The following ZNF583 variants were observed in gnomAD, a reference collection of about 807,000 sequenced individuals.
ZNF583 encodes zinc finger protein L3-5.
ZNF583 carries 30 observed loss-of-function variants against 55.3 expected under a neutral mutation model. The observed-to-expected ratio is 0.54, with a 90% CI of 0.41 to 0.74. The LOEUF is 0.74. Ranked by LOEUF, ZNF583 falls within the 30% of genes least tolerant of loss-of-function variation. ZNF583 has a pLI of 0.00. For missense variants in ZNF583, 504 were observed against 664.7 expected (o/e 0.76, Z 2.66); for synonymous variants, 208 against 220.0 (o/e 0.95, Z 0.48).
At chr19:56,405,052 C>CGT (rs1352237830) in intron 1 of ZNF583, among the ~76,000 whole-genome samples, 1 of 151,734 alleles carries the variant, frequency 6.6e-6, no homozygotes, top group Non-Finnish European at 1.5e-5. Flanking sequence ...ACCATGTCAC[C>CGT]GTGTGTGAGG....
chr19:56,418,429 A>G (rs182305953), intron 4 of ZNF583, among the ~76,000 whole-genome samples: 1 of 152,302 alleles, frequency 6.6e-6, no homozygotes, highest in Non-Finnish European at 1.5e-5. Context: ...AGGAAAAATA[A>G]TAAAATTTAT....
chr19:56,415,960 A>G (rs2042314715), intron 4 of ZNF583, among the ~76,000 whole-genome samples: 1 of 152,218 alleles, frequency 6.6e-6, no homozygotes, highest in Non-Finnish European at 1.5e-5. Context: ...AAAATAATCT[A>G]CAATTAGTTT....
At position 56,424,996 on chromosome 19, in the gene ZNF583, T is replaced by C. The variant is rs538766503; in HGVS notation, c.*628T>C. On this transcript the variant is annotated 3_prime_UTR_variant, in exon 5 of 5. Coordinates refer to ENST00000333201, the MANE Select transcript of ZNF583 (RefSeq NM_152478.3). ...CATAGAAAGCCAATCATCTCAGCCA[T>C]GATTATCTCAGAAATAAAAAGAGAT... 1 of 151,412 alleles carries C rather than the reference T, an allele frequency of 6.6e-6. No individual in the cohort carries two copies. The highest frequency in any genetic ancestry group is 1.5e-5 in the Non-Finnish European group (1 of 67,934). 9.4% of individuals were successfully genotyped at this position (151,412 alleles called of 1,614,324 possible).
At position 56,424,384 on chromosome 19, in the gene ZNF583, A is replaced by C. The variant is rs1446222485; in HGVS notation, c.*16A>C. On this transcript the variant is annotated 3_prime_UTR_variant, in exon 5 of 5. Transcript: ENST00000333201. The stretch of plus-strand genomic sequence containing the variant: ...CATCTCCTGAATATTTCTGGAATCC[A>C]CCTCTTGAATCCATTTCCATCCCAT... 1 of 1,085,552 alleles carries C rather than the reference A, an allele frequency of 9.2e-7. No individual in the cohort carries two copies. The highest frequency in any genetic ancestry group is 2.5e-5 in the East Asian group (1 of 40,060). 67.2% of individuals were successfully genotyped at this position (1,085,552 alleles called of 1,614,324 possible).
intron 1 of ZNF583, among the ~76,000 whole-genome samples, chr19:56,405,032 A>G (rs1226631105): frequency 6.6e-6 from 1 of 152,006 alleles, no homozygotes; most frequent in Admixed American, 6.6e-5. Flanking sequence ...AGACTGTGAC[A>G]GTATGTGAGA....
intron 2 of ZNF583, among the ~76,000 whole-genome samples, chr19:56,407,605 A>T (rs374957602): frequency 3.3e-5 from 5 of 152,312 alleles, no homozygotes; most frequent in African/African-American, 7.2e-5. Flanking sequence ...AGTCTTGAAT[A>T]TTAAAGTGTG....
intron 4 of ZNF583, chr19:56,421,427 A>C: frequency 1.0e-6 from 1 of 983,788 alleles, no homozygotes; most frequent in South Asian, 4.7e-5. Flanking sequence ...TTGACTTTTT[A>C]TAGGGCATTC....
At chr19:56,411,433 G>T (rs570049878) in intron 2 of ZNF583, among the ~76,000 whole-genome samples, 1 of 152,290 alleles carries the variant, frequency 6.6e-6, no homozygotes, top group Admixed American at 6.5e-5. Context: ...AGGTATTCAT[G>T]GTCTCATTGG....
Position 56,426,816 on chromosome 19 carries a change from ATTTGTCAACTTCAGAAT to A in ZNF583, c.*2452_*2468del, listed in dbSNP as rs2042494994. Reference sequence around the variant, plus strand: ...GAGTTTGTACAAACTCTGGTAGGCAATTTGTCAACTTCAGAATTTTAATTGGGAAAAGTAGAATTTTA... The same window carrying A: ...GAGTTTGTACAAACTCTGGTAGGCAATTTAATTGGGAAAAGTAGAATTTTA... On this transcript the variant is annotated 3_prime_UTR_variant, in exon 5 of 5. Coordinates refer to ENST00000333201, the MANE Select transcript of ZNF583 (RefSeq NM_152478.3). 1 of 152,136 alleles carries A rather than the reference ATTTGTCAACTTCAGAAT, an allele frequency of 6.6e-6. No individual in the cohort carries two copies. Among genetic ancestry groups the A allele is most frequent in the Non-Finnish European group, 1.5e-5 (1 of 68,030 alleles). The allele number at this position is 152,136 out of a possible 1,614,324, so 9.4% of individuals were successfully genotyped here.
chr19:56,416,882 CGTGT>C (rs1019833426), intron 4 of ZNF583, among the ~76,000 whole-genome samples: 1 of 152,078 alleles, frequency 6.6e-6, no homozygotes, highest in Non-Finnish European at 1.5e-5. Context: ...CAAAAGATTG[CGTGT>C]GTCTCTTTCC....
intron 4 of ZNF583, among the ~76,000 whole-genome samples, chr19:56,422,112 A>G (rs890806278): frequency 6.6e-6 from 1 of 152,218 alleles, no homozygotes; most frequent in African/African-American, 2.4e-5. Context: ...GTAGTAGAAG[A>G]TAAGATCAGA....
rs1055213134 is a variant in ZNF583 at position 56,424,673 on chromosome 19, C to G, written c.*305C>G. On this transcript the variant is annotated 3_prime_UTR_variant, in exon 5 of 5. Coordinates refer to ENST00000333201, the MANE Select transcript of ZNF583 (RefSeq NM_152478.3). ...TGTTCCAGGTTACCTTCCAAAGTTTCTATCTTGTGTCACTATCCATCTCAT... is the reference window on the plus strand; with the variant it reads ...TGTTCCAGGTTACCTTCCAAAGTTTGTATCTTGTGTCACTATCCATCTCAT... 2 of 251,990 alleles carry G rather than the reference C, an allele frequency of 7.9e-6. No homozygotes were observed. The highest frequency in any genetic ancestry group is 4.5e-5 in the African/African-American group (2 of 44,658). 15.6% of individuals were successfully genotyped at this position (251,990 alleles called of 1,614,324 possible).
At chr19:56,419,407 G>A (rs536039799) in intron 4 of ZNF583, among the ~76,000 whole-genome samples, 150 of 152,200 alleles carry the variant, frequency 9.9e-4, no homozygotes, top group Non-Finnish European at 1.6e-3. Flanking sequence ...ATGTTGGCCA[G>A]GATGGTCTCG....
chr19:56,423,149 C>A lies in ZNF583; in HGVS notation c.491C>A (p.Thr164Lys), dbSNP rs1266184774. 6 of 1,612,604 alleles carry A rather than the reference C, an allele frequency of 3.7e-6. No homozygotes were observed. The highest frequency in any genetic ancestry group is 4.2e-6 in the Non-Finnish European group (5 of 1,179,764). Residue 164 changes from threonine to lysine, a missense_variant, in exon 5 of 5, where the codon ACA (threonine) becomes AAA (lysine). This residue lies in a region of ZNF583 where 204 missense variants were observed against 235.2 expected (regional missense o/e 0.87). Transcript: ENST00000333201. Reference sequence around the variant, plus strand: ...AAAGAATATAACAAATCTTGGCAAACATTCCACCAGGATACAATCTTTGAT... The same window carrying A: ...AAAGAATATAACAAATCTTGGCAAAAATTCCACCAGGATACAATCTTTGAT... ...QNKEYNKSWQ[T>K]FHQDTIFDIQ...
Position 56,427,214 on chromosome 19 carries a change from GCCT to G in ZNF583, c.*2851_*2853del, listed in dbSNP as rs2042498052. The stretch of plus-strand genomic sequence containing the variant: ...GTTATGTCAGTAGCCCTTGCCAAAA[GCCT>G]CCTCACTCTCCCCTCTCTTGTATAA... On this transcript the variant is annotated 3_prime_UTR_variant, in exon 5 of 5. Transcript: ENST00000333201. 1 of 152,082 alleles carries G rather than the reference GCCT, an allele frequency of 6.6e-6. No homozygotes were observed. The highest frequency in any genetic ancestry group is 1.5e-5 in the Non-Finnish European group (1 of 68,022). The allele number at this position is 152,082 out of a possible 1,614,324, so 9.4% of individuals were successfully genotyped here. A position where few individuals can be genotyped will look rare whatever the true frequency, so the allele number is the denominator to read the frequency against.
chr19:56,412,542 C>T (rs374037386), intron 2 of ZNF583, among the ~76,000 whole-genome samples: 19 of 152,270 alleles, frequency 1.2e-4, no homozygotes, highest in African/African-American at 4.6e-4. Context: ...TATTATCAGA[C>T]TTGGAGACAT....
chr19:56,421,731 G>C (rs771220244), intron 4 of ZNF583, among the ~76,000 whole-genome samples: 3 of 152,062 alleles, frequency 2.0e-5, no homozygotes, highest in Non-Finnish European at 4.4e-5. Context: ...TATCTGTCCA[G>C]GCTATTTTAG....
At chr19:56,408,305 C>G (rs985868725) in intron 2 of ZNF583, among the ~76,000 whole-genome samples, 2 of 152,068 alleles carry the variant, frequency 1.3e-5, no homozygotes, top group Admixed American at 1.3e-4. Context: ...ACTAGTACAG[C>G]ACTGTCCAAT....
intron 4 of ZNF583, chr19:56,414,947 C>T (rs1265488043): frequency 1.3e-5 from 2 of 150,270 alleles, no homozygotes; most frequent in African/African-American, 2.5e-5. Flanking sequence ...GTGGGAGGAT[C>T]ACCTGAGCCT....
Sources: gnomAD v4.1 joint callset for allele counts (sites outside exome capture counted in the v4.1 genomes callset) on GRCh38, gnomAD v4.1.1 for gene constraint, gnomAD v4.1.1 regional missense constraint, MANE v1.5 for transcripts, NCBI Gene and HGNC (gene_info 2026-07-23, HGNC 2026-07-21) for gene names.